Variants in OSBPL6 observed in about 807,000 individuals in gnomAD.
OSBPL6 encodes the protein oxysterol-binding protein-related protein 6.
In OSBPL6, 49 loss-of-function variants were observed where a neutral mutation model predicts 125.8. The ratio of observed to expected loss-of-function variants is 0.39; its 90% CI spans 0.31 to 0.49. The LOEUF is 0.49. OSBPL6 is among the 20% of genes least tolerant of loss of function. The pLI, the probability that OSBPL6 is intolerant of heterozygous loss-of-function variation, is 0.88. For synonymous variants in OSBPL6, 394 were observed against 391.8 expected, an observed-to-expected ratio of 1.01 and a Z score of -0.07; for missense variants, 986 against 1,135.4, an observed-to-expected ratio of 0.87 and a Z score of 1.89.
At chr2:178,256,864 C>T (rs2091902014) in intron 1 of OSBPL6, among the ~76,000 whole-genome samples, 1 of 152,100 alleles carries the variant, frequency 6.6e-6, no homozygotes. Context: ...TTGTCTTTTC[C>T]CCTGACTCCT....
At chr2:178,204,959 C>T (rs2089454560) in intron 1 of OSBPL6, among the ~76,000 whole-genome samples, 1 of 152,190 alleles carries the variant, frequency 6.6e-6, no homozygotes, top group Non-Finnish European at 1.5e-5. Flanking sequence ...TACAATAGGC[C>T]TACAAGGTGT....
intron 1 of OSBPL6, among the ~76,000 whole-genome samples, chr2:178,274,090 C>A (rs1359470201): frequency 2.6e-5 from 4 of 152,118 alleles, no homozygotes; most frequent in African/African-American, 9.7e-5. Flanking sequence ...TGGCTTTTTT[C>A]TATTCAAAGT....
rs1372001873 is a variant in OSBPL6, at chr2:178,209,302, C to A, written c.-351+14628C>A. Reference sequence around the variant, plus strand: ...GCTGTCATATTTCTTTGTTTTAAATCTTCTTGCCCTACTTTCTGGGTGATT... The same window carrying A: ...GCTGTCATATTTCTTTGTTTTAAATATTCTTGCCCTACTTTCTGGGTGATT... On this transcript the variant is annotated intron_variant, in intron 1 of 24. Coordinates refer to ENST00000190611, the MANE Select transcript of OSBPL6 (RefSeq NM_032523.4). 4.6e-5 allele frequency among the ~76,000 whole-genome samples: 7 copies of A among 152,110 alleles called. No individual in the cohort carries two copies. In the South Asian group the frequency reaches 1.5e-3, roughly 32 times the overall value.
intron 11 of OSBPL6, among the ~76,000 whole-genome samples, chr2:178,347,259 G>A (rs1420548433): frequency 6.6e-6 from 1 of 152,104 alleles, no homozygotes; most frequent in African/African-American, 2.4e-5. Context: ...TCCAAGCCAT[G>A]TGAGTCCTCA....
In OSBPL6 at chr2:178,261,068, G is replaced by A. The variant is rs182448125; in HGVS notation, c.-350-23859G>A. 4.5e-3 allele frequency among the ~76,000 whole-genome samples: 679 copies of A among 151,960 alleles called. 9 individuals are homozygous for A. The highest frequency in any genetic ancestry group is 0.016 in the African/African-American group (648 of 41,420). ...AATCGCTTGAACCTGGGAGGTGGAG[G>A]TTGCAGTGAGCCGAGATCACACCAC... On this transcript the variant is annotated intron_variant, in intron 1 of 24. Coordinates refer to ENST00000190611, the MANE Select transcript of OSBPL6 (RefSeq NM_032523.4).
At chr2:178,233,161 T>C (rs528041095) in intron 1 of OSBPL6, among the ~76,000 whole-genome samples, 2 of 152,336 alleles carry the variant, frequency 1.3e-5, no homozygotes, top group East Asian at 3.9e-4. Flanking sequence ...ACCTGTTCGA[T>C]ATTCTGAGGG....
chr2:178,227,022 G>T (rs1281983863), intron 1 of OSBPL6, among the ~76,000 whole-genome samples: 1 of 152,144 alleles, frequency 6.6e-6, no homozygotes, highest in Non-Finnish European at 1.5e-5. Context: ...GATCATTTTT[G>T]AAACTGGGTG....
At chr2:178,379,343 G>T (rs1310151804) in intron 15 of OSBPL6, among the ~76,000 whole-genome samples, 3 of 135,646 alleles carry the variant, frequency 2.2e-5, no homozygotes, top group African/African-American at 8.3e-5. Context: ...AGGGAGGGAG[G>T]GAGGGAGGGA....
intron 12 of OSBPL6, among the ~76,000 whole-genome samples, chr2:178,356,184 C>T (rs923799897): frequency 6.6e-6 from 1 of 151,994 alleles, no homozygotes. Context: ...GCACAAGACA[C>T]AGATGCCATC....
intron 1 of OSBPL6, among the ~76,000 whole-genome samples, chr2:178,198,162 T>C (rs2089016014): frequency 6.6e-6 from 1 of 152,162 alleles, no homozygotes; most frequent in Non-Finnish European, 1.5e-5. Context: ...GCACTGCTGA[T>C]TGAGATGAGA....
chr2:178,201,380 T>C (rs1011908553), intron 1 of OSBPL6, among the ~76,000 whole-genome samples: 1 of 152,060 alleles, frequency 6.6e-6, no homozygotes, highest in African/African-American at 2.4e-5. Context: ...TATTTTCTTA[T>C]TTATTTATTT....
intron 3 of OSBPL6, among the ~76,000 whole-genome samples, chr2:178,308,627 G>A (rs965018662): frequency 3.9e-5 from 6 of 152,124 alleles, no homozygotes; most frequent in African/African-American, 1.4e-4. Context: ...CGCTTGAGTG[G>A]TACCACTGTG....
At chr2:178,341,838 C>T (rs970913134) in intron 11 of OSBPL6, among the ~76,000 whole-genome samples, 9 of 152,134 alleles carry the variant, frequency 5.9e-5, no homozygotes, top group South Asian at 2.1e-4. Flanking sequence ...ACCAACAGGT[C>T]TTGCAGGAGC....
chr2:178,337,523 G>A (rs1354892647), intron 9 of OSBPL6, among the ~76,000 whole-genome samples: 1 of 152,180 alleles, frequency 6.6e-6, no homozygotes, highest in Non-Finnish European at 1.5e-5. Context: ...ATGTAGCATG[G>A]CCCAGGTGAA....
intron 2 of OSBPL6, among the ~76,000 whole-genome samples, chr2:178,300,955 G>A (rs1383866591): frequency 6.6e-6 from 1 of 152,102 alleles, no homozygotes; most frequent in Non-Finnish European, 1.5e-5. Flanking sequence ...AGCATTAAAG[G>A]AAACAAAGAA....
intron 1 of OSBPL6, among the ~76,000 whole-genome samples, chr2:178,203,394 A>G (rs2089358849): frequency 6.6e-6 from 1 of 152,204 alleles, no homozygotes; most frequent in Non-Finnish European, 1.5e-5. Context: ...AATCTCATCC[A>G]AGGATATATT....
rs73032559 is a variant in OSBPL6 at position 178,333,063 on chromosome 2, A to G, written c.657+22A>G. ...AAAGGTATGACTTTGTTCTATAAAA[A>G]CCAGCCTGAAAATTGCTTAGAAAAT... On this transcript the variant is annotated intron_variant, in intron 8 of 24. Transcript: ENST00000190611. The G allele has an allele frequency of 6.0e-3, 9,698 of 1,610,406 alleles. 425 individuals carry two copies. In the African/African-American group the frequency reaches 0.11, roughly 18 times the overall value.
rs937032976 is a variant in OSBPL6 at position 178,247,018 on chromosome 2, C to G, written c.-350-37909C>G. Among the ~76,000 whole-genome samples the G allele has an allele frequency of 8.0e-5, 12 of 150,100 alleles. 1 individual carries two copies. Among genetic ancestry groups the G allele is most frequent in the African/African-American group, 1.5e-4 (6 of 40,532 alleles). On this transcript the variant is annotated intron_variant, in intron 1 of 24. Transcript: ENST00000190611. Reference sequence around the variant, plus strand: ...CTCCCTGTAACCTGCCCCTCCCCACCCCCCCATGTTATTGTGTACTCAACT... The same window carrying G: ...CTCCCTGTAACCTGCCCCTCCCCACGCCCCCATGTTATTGTGTACTCAACT...
chr2:178,275,418 A>G lies in OSBPL6; in HGVS notation c.-350-9509A>G, dbSNP rs528157193. Among the ~76,000 whole-genome samples, 4 of 152,328 alleles carry G rather than the reference A, an allele frequency of 2.6e-5. No homozygotes were observed. The South Asian group carries it at 8.3e-4, about 32-fold the overall frequency. ...TCCCAACTACTCACAAGGCAGAGGC[A>G]GGAGAATCTCTTGAACCCGGAAGCC... On this transcript the variant is annotated intron_variant, in intron 1 of 24. Coordinates refer to ENST00000190611, the MANE Select transcript of OSBPL6 (RefSeq NM_032523.4).
Sources: gnomAD v4.1 joint callset for allele counts (sites outside exome capture counted in the v4.1 genomes callset) on GRCh38, gnomAD v4.1.1 for gene constraint, MANE v1.5 for transcripts, NCBI Gene and HGNC (gene_info 2026-07-23, HGNC 2026-07-21) for gene names.